Variants in EPHA7 observed in about 807,000 individuals in gnomAD.
EPHA7 encodes EPH receptor A7.
Under a neutral mutation model 112.6 loss-of-function variants are expected in EPHA7, and 25 were observed. That is an observed-to-expected ratio of 0.22 (90% CI 0.16 to 0.31). The LOEUF (loss-of-function observed/expected upper bound fraction) is 0.31. EPHA7 is among the 10% of genes least tolerant of loss of function. The probability of loss-of-function intolerance (pLI) is 1.00; values close to 1 mark genes in which losing one functional copy is unlikely to be tolerated. For missense variants in EPHA7, 962 were observed against 1,212.6 expected, an observed-to-expected ratio of 0.79 and a Z score of 3.07; for synonymous variants, 437 against 406.5, an observed-to-expected ratio of 1.07 and a Z score of -0.90.
In EPHA7 at chr6:93,404,642, CAT is replaced by C. The variant is rs554070965; in HGVS notation, c.832+5857_832+5858del. 8.8e-4 allele frequency among the ~76,000 whole-genome samples: 130 copies of C among 146,968 alleles called. 1 individual carries two copies. The highest frequency in any genetic ancestry group is 3.8e-3 in the Middle Eastern group (1 of 262). ...AATCATATATATATATATATACACA[CAT>C]GTTTAGAGAGAGGGAGAGAGAGAGA... On this transcript the variant is annotated intron_variant, in intron 3 of 16. Coordinates refer to ENST00000369303, the MANE Select transcript of EPHA7 (RefSeq NM_004440.4).
At chr6:93,261,072 T>C (rs1562050991) in intron 9 of EPHA7, among the ~76,000 whole-genome samples, 2 of 151,662 alleles carry the variant, frequency 1.3e-5, no homozygotes, top group Admixed American at 1.3e-4. Context: ...TCATAAAACA[T>C]TTTGACAGAC....
intron 14 of EPHA7, among the ~76,000 whole-genome samples, chr6:93,248,056 A>G (rs377246956): frequency 1.3e-5 from 2 of 152,232 alleles, no homozygotes; most frequent in African/African-American, 4.8e-5. Context: ...GGGGAAGAAC[A>G]AATCCTTTGA....
intron 7 of EPHA7, among the ~76,000 whole-genome samples, chr6:93,266,799 T>C (rs1257225972): frequency 1.3e-5 from 2 of 151,678 alleles, no homozygotes; most frequent in African/African-American, 4.8e-5. Context: ...CCAGAATCTG[T>C]GTACCTGTCC....
intron 5 of EPHA7, among the ~76,000 whole-genome samples, chr6:93,297,779 T>C (rs941584842): frequency 5.9e-5 from 9 of 152,158 alleles, no homozygotes; most frequent in Non-Finnish European, 1.3e-4. Flanking sequence ...TATCTCCAAG[T>C]CTGCACCAAG....
chr6:93,342,607 A>G (rs886678959), intron 5 of EPHA7, among the ~76,000 whole-genome samples: 2 of 151,808 alleles, frequency 1.3e-5, no homozygotes, highest in Non-Finnish European at 2.9e-5. Flanking sequence ...GTCATTATTA[A>G]ATAAAGTCCT....
chr6:93,351,697 G>C (rs1044548417), intron 5 of EPHA7, among the ~76,000 whole-genome samples: 2 of 151,844 alleles, frequency 1.3e-5, no homozygotes, highest in Non-Finnish European at 2.9e-5. Context: ...CGTTGCCTAT[G>C]GGGAAAATAT....
At chr6:93,316,656 A>T (rs1035782876) in intron 5 of EPHA7, among the ~76,000 whole-genome samples, 1 of 152,178 alleles carries the variant, frequency 6.6e-6, no homozygotes, top group African/African-American at 2.4e-5. Context: ...TGTGCAAAGA[A>T]ATTACTTTCT....
At chr6:93,373,078 T>A (rs560712265) in intron 3 of EPHA7, among the ~76,000 whole-genome samples, 13 of 152,126 alleles carry the variant, frequency 8.5e-5, no homozygotes, top group African/African-American at 3.1e-4. Context: ...CATTTTCTGT[T>A]CAAATATTTA....
intron 5 of EPHA7, among the ~76,000 whole-genome samples, chr6:93,281,903 C>T (rs1458415182): frequency 3.9e-5 from 6 of 151,916 alleles, no homozygotes; most frequent in South Asian, 4.1e-4. Context: ...TTACAACATG[C>T]ACATCAGTAT....
At chr6:93,390,167 A>G (rs936360273) in intron 3 of EPHA7, among the ~76,000 whole-genome samples, 1 of 151,788 alleles carries the variant, frequency 6.6e-6, no homozygotes, top group East Asian at 1.9e-4. Flanking sequence ...ACATTTAAAG[A>G]AATAAGAAAA....
In EPHA7 at chr6:93,255,821, T is replaced by G. The variant is rs1463037175; in HGVS notation, c.2382+7A>C. 13 of 1,610,896 alleles carry G rather than the reference T, an allele frequency of 8.1e-6. No homozygotes were observed. The highest frequency in any genetic ancestry group is 1.3e-5 in the African/African-American group (1 of 74,856). ...ATGAAGAAGTGCAGTAAATGACTTTTTCTTACAGTAGTTGTATAGACAGCT... is the reference window on the plus strand; with the variant it reads ...ATGAAGAAGTGCAGTAAATGACTTTGTCTTACAGTAGTTGTATAGACAGCT... On this transcript the variant is annotated splice_region_variant and intron_variant, in intron 13 of 16. Transcript: ENST00000369303.
chr6:93,376,339 C>T (rs545545826), intron 3 of EPHA7, among the ~76,000 whole-genome samples: 2 of 152,136 alleles, frequency 1.3e-5, no homozygotes, highest in African/African-American at 4.8e-5. Context: ...CAAGGCCTTG[C>T]TATATTGCTC....
chr6:93,313,753 A>T (rs1029150490), intron 5 of EPHA7, among the ~76,000 whole-genome samples: 1 of 143,768 alleles, frequency 7.0e-6, no homozygotes, highest in Non-Finnish European at 1.5e-5. Flanking sequence ...GGAACAAGCA[A>T]TATAAAGACT....
At chr6:93,399,901 A>C (rs1778356511) in intron 3 of EPHA7, among the ~76,000 whole-genome samples, 1 of 152,084 alleles carries the variant, frequency 6.6e-6, no homozygotes, top group African/African-American at 2.4e-5. Flanking sequence ...GACTAAAAAA[A>C]CCCTCTAATT....
At chr6:93,405,839 A>G (rs1189709022) in intron 3 of EPHA7, among the ~76,000 whole-genome samples, 40 of 137,694 alleles carry the variant, frequency 2.9e-4, no homozygotes, top group Admixed American at 3.7e-4. Flanking sequence ...ATATATATAT[A>G]TATATATATA....
At chr6:93,390,084 T>C (rs192498031) in intron 3 of EPHA7, among the ~76,000 whole-genome samples, 3 of 152,014 alleles carry the variant, frequency 2.0e-5, no homozygotes, top group Admixed American at 2.0e-4. Flanking sequence ...CAAAGCAGCA[T>C]GCTGTCACTC....
intron 5 of EPHA7, among the ~76,000 whole-genome samples, chr6:93,314,223 C>CT (rs927934062): frequency 1.3e-5 from 2 of 152,000 alleles, no homozygotes; most frequent in Non-Finnish European, 2.9e-5. Flanking sequence ...GGCTAAACTG[C>CT]TTTTTTTCTT....
intron 5 of EPHA7, among the ~76,000 whole-genome samples, chr6:93,350,462 C>T (rs1036872497): frequency 7.9e-5 from 12 of 151,980 alleles, no homozygotes; most frequent in African/African-American, 2.9e-4. Context: ...CATTCGAACC[C>T]TCAAAATTTT....
intron 5 of EPHA7, among the ~76,000 whole-genome samples, chr6:93,277,132 G>A (rs538851989): frequency 6.6e-6 from 1 of 151,948 alleles, no homozygotes; most frequent in African/African-American, 2.4e-5. Context: ...CCTATTGTAC[G>A]TTATCAGCAA....
Sources: allele counts gnomAD v4.1 joint callset (sites outside exome capture counted in the v4.1 genomes callset), GRCh38; gene constraint gnomAD v4.1.1; transcripts MANE v1.5; gene names NCBI Gene and HGNC (gene_info 2026-07-23, HGNC 2026-07-21).